Variants in TTBK2 observed in about 807,000 individuals in gnomAD.
TTBK2 encodes tau tubulin kinase 2, also known as tau-tubulin kinase 2.
TTBK2 carries 28 observed loss-of-function variants against 110.8 expected under a neutral mutation model. The observed-to-expected ratio is 0.25, with a 90% CI of 0.19 to 0.35. TTBK2 has a LOEUF of 0.35. Among genes scored for constraint, TTBK2 ranks in the 10% least tolerant of loss-of-function variants. TTBK2 has a pLI of 1.00. For missense variants in TTBK2, 1,369 were observed against 1,500.3 expected, an observed-to-expected ratio of 0.91 and a Z score of 1.45; for synonymous variants, 532 against 527.3, an observed-to-expected ratio of 1.01 and a Z score of -0.12.
At chr15:42,795,108 C>T (rs1250137313) in intron 9 of TTBK2, among the ~76,000 whole-genome samples, 1 of 152,154 alleles carries the variant, frequency 6.6e-6, no homozygotes, top group Non-Finnish European at 1.5e-5. Context: ...TATGTTTGTG[C>T]ATTCAATTGA....
intron 3 of TTBK2, among the ~76,000 whole-genome samples, chr15:42,867,311 T>A (rs1371998873): frequency 6.6e-6 from 1 of 151,156 alleles, no homozygotes; most frequent in Non-Finnish European, 1.5e-5. Context: ...GTTTTTACTT[T>A]AGGAAACTAG....
chr15:42,872,538 A>C, intron 3 of TTBK2, 73 bp downstream of exon 3: 1 of 1,536,084 alleles, frequency 6.5e-7, no homozygotes, highest in Non-Finnish European at 8.9e-7. Flanking sequence ...AATGTAATTA[A>C]GGTTCAGGAA....
At chr15:42,765,811 A>C (rs1889339541) in intron 13 of TTBK2, among the ~76,000 whole-genome samples, 1 of 152,176 alleles carries the variant, frequency 6.6e-6, no homozygotes, top group South Asian at 2.1e-4. Flanking sequence ...CAAGACACAA[A>C]ATTGTCAGAT....
intron 4 of TTBK2, 148 bp from the exon 5 acceptor site, chr15:42,830,226 T>C: frequency 1.1e-6 from 1 of 946,502 alleles, no homozygotes; most frequent in Admixed American, 2.2e-5. Flanking sequence ...TCACTCTTGT[T>C]GCCCAGGCTG....
intron 6 of TTBK2, among the ~76,000 whole-genome samples, chr15:42,818,934 A>C (rs1426501556): frequency 2.7e-5 from 4 of 149,262 alleles, no homozygotes; most frequent in Non-Finnish European, 3.0e-5. Flanking sequence ...AAAAAAAAAA[A>C]CAAAAAACAA....
intron 7 of TTBK2, among the ~76,000 whole-genome samples, chr15:42,815,947 T>TATATATATATATA (rs1188195668): frequency 2.7e-5 from 1 of 37,446 alleles, no homozygotes; most frequent in Non-Finnish European, 4.3e-5. Flanking sequence ...TATATATATA[T>TATATATATATATA]TTAAAAAAAA....
At chr15:42,810,204 C>T (rs140741093) in intron 9 of TTBK2, among the ~76,000 whole-genome samples, 1 of 152,290 alleles carries the variant, frequency 6.6e-6, no homozygotes, top group Non-Finnish European at 1.5e-5. Context: ...TCACTGACCG[C>T]TGTCCCATAG....
At chr15:42,872,867 G>A in intron 2 of TTBK2, 109 bp from the exon 3 acceptor site, 2 of 1,326,572 alleles carry the variant, frequency 1.5e-6, no homozygotes, top group Non-Finnish European at 2.0e-6. Context: ...TCTGTTTTTT[G>A]ATAAAATATT....
chr15:42,856,820 G>A (rs912991070), intron 3 of TTBK2, among the ~76,000 whole-genome samples: 2 of 152,208 alleles, frequency 1.3e-5, no homozygotes, highest in African/African-American at 4.8e-5. Context: ...CCAACACTTT[G>A]GGAGACTGAG....
rs1279626409 is a variant in TTBK2 at position 42,744,599 on chromosome 15, T to C, written c.*1196A>G. ...ATCTTCCTCTTTACAGCTTCGTAAA[T>C]TGAGATTGTATGAAAATCAGGCCAA... On this transcript the variant is annotated 3_prime_UTR_variant, in exon 15 of 15. Coordinates refer to ENST00000267890, the MANE Select transcript of TTBK2 (RefSeq NM_173500.4). 6.6e-6 allele frequency: 1 copy of C among 152,124 alleles called. No homozygotes were observed. The highest frequency in any genetic ancestry group is 1.5e-5 in the Non-Finnish European group (1 of 68,002). The allele number at this position is 152,124 out of a possible 1,614,324, so 9.4% of individuals were successfully genotyped here.
In TTBK2 at chr15:42,743,663, T is replaced by C. The variant is rs963053156; in HGVS notation, c.*2132A>G. 2 of 152,252 alleles carry C rather than the reference T, an allele frequency of 1.3e-5. No individual in the cohort carries two copies. The highest frequency in any genetic ancestry group is 4.8e-5 in the African/African-American group (2 of 41,470). 9.4% of individuals were successfully genotyped at this position (152,252 alleles called of 1,614,324 possible). ...CACTCTAACTATAAGGAGAGAACTATGTGATTAACATGACAAATCTCTGAA... is the reference window on the plus strand; with the variant it reads ...CACTCTAACTATAAGGAGAGAACTACGTGATTAACATGACAAATCTCTGAA... On this transcript the variant is annotated 3_prime_UTR_variant, in exon 15 of 15. Coordinates refer to ENST00000267890, the MANE Select transcript of TTBK2 (RefSeq NM_173500.4).
intron 12 of TTBK2, among the ~76,000 whole-genome samples, chr15:42,776,310 T>G (rs915675036): frequency 4.6e-5 from 7 of 152,200 alleles, no homozygotes; most frequent in Non-Finnish European, 8.8e-5. Context: ...ATGACTACTA[T>G]TAAAGGAAAT....
At chr15:42,791,176 G>A (rs1004690635) in intron 10 of TTBK2, among the ~76,000 whole-genome samples, 13 of 152,116 alleles carry the variant, frequency 8.5e-5, no homozygotes, top group Non-Finnish European at 1.6e-4. Flanking sequence ...GAGCCACGGT[G>A]CCTGGCCAAT....
Position 42,743,393 on chromosome 15 carries a change from G to A in TTBK2, c.*2402C>T, listed in dbSNP as rs759907271. On this transcript the variant is annotated 3_prime_UTR_variant, in exon 15 of 15. Coordinates refer to ENST00000267890, the MANE Select transcript of TTBK2 (RefSeq NM_173500.4). ...CAATAAGAAATAAAATCACACACAC[G>A]TACCACAGTTGTAGCTTCATCAGCT... 2.0e-5 allele frequency: 3 copies of A among 152,278 alleles called. No homozygotes were observed. The highest frequency in any genetic ancestry group is 4.4e-5 in the Non-Finnish European group (3 of 68,022). 9.4% of individuals were successfully genotyped at this position (152,278 alleles called of 1,614,324 possible). A position where few individuals can be genotyped will look rare whatever the true frequency, so the allele number is the denominator to read the frequency against.
chr15:42,758,335 A>G (rs2061974391), intron 13 of TTBK2, among the ~76,000 whole-genome samples: 1 of 152,218 alleles, frequency 6.6e-6, no homozygotes, highest in Non-Finnish European at 1.5e-5. Flanking sequence ...TGTCTAAAGC[A>G]GCTTTATATA....
intron 9 of TTBK2, 38 bp from the exon 10 acceptor site, chr15:42,794,839 T>C: frequency 1.2e-6 from 2 of 1,608,444 alleles, no homozygotes; most frequent in Non-Finnish European, 8.5e-7. Flanking sequence ...AAGTGAACAG[T>C]AAACATAGTC....
At chr15:42,806,280 C>T (rs1891466839) in intron 9 of TTBK2, among the ~76,000 whole-genome samples, 1 of 152,118 alleles carries the variant, frequency 6.6e-6, no homozygotes, top group Non-Finnish European at 1.5e-5. Flanking sequence ...CAAAACAAAA[C>T]AAAATACACT....
intron 1 of TTBK2, among the ~76,000 whole-genome samples, chr15:42,889,729 A>T (rs936508911): frequency 5.3e-5 from 8 of 152,008 alleles, no homozygotes; most frequent in Non-Finnish European, 1.0e-4. Flanking sequence ...ATCACCAATC[A>T]TTCTACACGA....
At chr15:42,829,805 CTAT>C in intron 5 of TTBK2, 130 bp downstream of exon 5, 1 of 1,262,714 alleles carries the variant, frequency 7.9e-7, no homozygotes, top group Non-Finnish European at 1.1e-6. Context: ...TTCCAGGTCT[CTAT>C]TGGAATGAAA....
Sources: gnomAD v4.1 joint callset for allele counts (sites outside exome capture counted in the v4.1 genomes callset) on GRCh38, gnomAD v4.1.1 for gene constraint, MANE v1.5 for transcripts, NCBI Gene and HGNC (gene_info 2026-07-23, HGNC 2026-07-21) for gene names.